ELOVL7: variants seen among roughly 807,000 people sequenced by gnomAD.
ELOVL7 encodes very long chain fatty acid elongase 7.
In ELOVL7, 27 loss-of-function variants were observed where a neutral mutation model predicts 35.7. The observed-to-expected ratio is 0.76, with a 90% CI of 0.56 to 1.04. The LOEUF is 1.04. Among genes scored for constraint, ELOVL7 ranks in the 50% least tolerant of loss-of-function variants. The pLI is 0.00. For synonymous variants in ELOVL7, 113 were observed against 114.6 expected, an observed-to-expected ratio of 0.99 and a Z score of 0.09; for missense variants, 327 against 340.8, an observed-to-expected ratio of 0.96 and a Z score of 0.32.
chr5:60,814,947 C>T (rs1745437561), intron 1 of ELOVL7, among the ~76,000 whole-genome samples: 1 of 152,200 alleles, frequency 6.6e-6, no homozygotes, highest in Admixed American at 6.5e-5. Flanking sequence ...AAATCCCTAT[C>T]CCATGAAAAA....
chr5:60,817,062 T>C (rs1745555269), intron 1 of ELOVL7, among the ~76,000 whole-genome samples: 1 of 152,016 alleles, frequency 6.6e-6, no homozygotes, highest in East Asian at 1.9e-4. Context: ...TTTCCAACAA[T>C]GACACAAAAC....
chr5:60,780,442 C>T, intron 3 of ELOVL7, among the ~76,000 whole-genome samples: 1 of 152,072 alleles, frequency 6.6e-6, no homozygotes, highest in South Asian at 2.1e-4. Flanking sequence ...ATTTTCCTGT[C>T]TTCTTCTCAC....
At chr5:60,826,659 C>T (rs1579928631) in intron 1 of ELOVL7, among the ~76,000 whole-genome samples, 1 of 152,338 alleles carries the variant, frequency 6.6e-6, no homozygotes, top group East Asian at 1.9e-4. Context: ...TCTACAAAAT[C>T]TCACTCATTC....
Position 60,804,698 on chromosome 5 carries a change from T to C in ELOVL7, c.-85-5468A>G, listed in dbSNP as rs544411150. On this transcript the variant is annotated intron_variant, in intron 1 of 8. Transcript: ENST00000508821. ...ATAGAACAAGTGCTTAAGAAATATC[T>C]GCTGAATGAATTTAAAGATGTTGTA... 5.9e-5 allele frequency among the ~76,000 whole-genome samples: 9 copies of C among 152,312 alleles called. No homozygotes were observed. In the South Asian group the frequency reaches 1.9e-3, roughly 32 times the overall value.
intron 8 of ELOVL7, 133 bp from the exon 9 acceptor site, chr5:60,754,966 C>T: frequency 1.4e-6 from 1 of 720,908 alleles, no homozygotes; most frequent in Non-Finnish European, 2.3e-6. Flanking sequence ...TAAATCTAGC[C>T]TCCCTGAGAG....
intron 1 of ELOVL7, among the ~76,000 whole-genome samples, chr5:60,830,124 A>T (rs948122396): frequency 1.3e-5 from 2 of 152,160 alleles, no homozygotes; most frequent in Non-Finnish European, 2.9e-5. Context: ...CTCAAACAGT[A>T]TCAGAAACTG....
At chr5:60,785,208 C>A (rs574809975) in intron 3 of ELOVL7, among the ~76,000 whole-genome samples, 1 of 152,178 alleles carries the variant, frequency 6.6e-6, no homozygotes, top group African/African-American at 2.4e-5. Context: ...CTTGCCTTCT[C>A]CCTGCCTCTC....
In ELOVL7 at chr5:60,817,558, T is replaced by C. The variant is rs577550061; in HGVS notation, c.-85-18328A>G. On this transcript the variant is annotated intron_variant, in intron 1 of 8. Transcript: ENST00000508821. Reference sequence around the variant, plus strand: ...TATCAACTATAAAACAAATGGTGTGTGTGTGTATATATATGTGTATATATA... The same window carrying C: ...TATCAACTATAAAACAAATGGTGTGCGTGTGTATATATATGTGTATATATA... 5.7e-4 allele frequency among the ~76,000 whole-genome samples: 85 copies of C among 148,834 alleles called. 1 individual carries two copies. The highest frequency in any genetic ancestry group is 2.0e-3 in the African/African-American group (81 of 40,866).
rs1342219508 is a variant in ELOVL7 at position 60,767,761 on chromosome 5, A to C, written c.336+62T>G. 5.5e-6 allele frequency: 7 copies of C among 1,283,782 alleles called. No individual in the cohort carries two copies. The Admixed American group carries it at 1.2e-4, about 22-fold the overall frequency. The allele number at this position is 1,283,782 out of a possible 1,614,324, so 79.5% of individuals were successfully genotyped here. ...ATTCTAAGTTTACGTTCAGTGTTAC[A>C]AACAGTTCACAAAATTTTAACATTG... On this transcript the variant is annotated intron_variant, in intron 5 of 8. Coordinates refer to ENST00000508821, the MANE Select transcript of ELOVL7 (RefSeq NM_024930.3).
At chr5:60,774,197 A>G (rs1028800529) in intron 3 of ELOVL7, among the ~76,000 whole-genome samples, 1 of 152,184 alleles carries the variant, frequency 6.6e-6, no homozygotes, top group Admixed American at 6.5e-5. Context: ...CAACAATGAC[A>G]AAAAAGAAAA....
intron 1 of ELOVL7, among the ~76,000 whole-genome samples, chr5:60,821,907 G>C (rs1010405055): frequency 6.6e-6 from 1 of 152,208 alleles, no homozygotes; most frequent in Non-Finnish European, 1.5e-5. Flanking sequence ...ATGTGCAATA[G>C]GACCATTTAC....
chr5:60,767,805 T>C lies in ELOVL7; in HGVS notation c.336+18A>G. 2 of 1,599,284 alleles carry C rather than the reference T, an allele frequency of 1.3e-6. No individual in the cohort carries two copies. The highest frequency in any genetic ancestry group is 8.6e-7 in the Non-Finnish European group (1 of 1,166,834). On this transcript the variant is annotated intron_variant, in intron 5 of 8. Transcript: ENST00000508821. ...AACATTGATTTTGAATTTCAAGTTT[T>C]TCCAAAGAGAAACTTACCCTCAAAG...
chr5:60,819,050 G>GCA (rs1745716507), intron 1 of ELOVL7, among the ~76,000 whole-genome samples: 1 of 166 alleles, frequency 6.0e-3, no homozygotes, highest in Non-Finnish European at 0.014. Context: ...GGAGGGGAGG[G>GCA]GAGGGGAGGG....
At chr5:60,785,881 A>T (rs1000553505) in intron 3 of ELOVL7, 3 of 152,210 alleles carry the variant, frequency 2.0e-5, no homozygotes, top group African/African-American at 7.2e-5. Flanking sequence ...AGTGAGATAA[A>T]TTTGGTCTTT....
intron 1 of ELOVL7, among the ~76,000 whole-genome samples, chr5:60,807,424 A>G (rs551399727): frequency 6.6e-6 from 1 of 152,274 alleles, no homozygotes; most frequent in Admixed American, 6.5e-5. Context: ...TCAGTGAGAA[A>G]AAACAAACTG....
At chr5:60,796,751 C>A (rs914132542) in intron 2 of ELOVL7, among the ~76,000 whole-genome samples, 1 of 152,138 alleles carries the variant, frequency 6.6e-6, no homozygotes, top group Admixed American at 6.5e-5. Context: ...GAGGAAAAAT[C>A]TTTGCCTACT....
intron 1 of ELOVL7, among the ~76,000 whole-genome samples, chr5:60,811,126 CT>C (rs1162803706): frequency 6.6e-6 from 1 of 152,012 alleles, no homozygotes; most frequent in African/African-American, 2.4e-5. Context: ...AGATTTGATT[CT>C]CAAAAACTTG....
rs1377082438 is a variant in ELOVL7 at position 60,752,567 on chromosome 5, T to G, written c.*2057A>C. On this transcript the variant is annotated 3_prime_UTR_variant, in exon 9 of 9. Coordinates refer to ENST00000508821, the MANE Select transcript of ELOVL7 (RefSeq NM_024930.3). ...TGAAGAGCCAAACCTGGAAAACAGTTAAGGAGTCCTGAGACCTTTCCAGTG... is the reference window on the plus strand; with the variant it reads ...TGAAGAGCCAAACCTGGAAAACAGTGAAGGAGTCCTGAGACCTTTCCAGTG... 6.6e-6 allele frequency: 1 copy of G among 152,612 alleles called. No individual in the cohort carries two copies. Among genetic ancestry groups the G allele is most frequent in the Non-Finnish European group, 1.5e-5 (1 of 68,028 alleles). The allele number at this position is 152,612 out of a possible 1,614,324, so 9.5% of individuals were successfully genotyped here.
intron 1 of ELOVL7, among the ~76,000 whole-genome samples, chr5:60,834,667 G>A (rs1056092815): frequency 1.3e-5 from 2 of 151,938 alleles, no homozygotes; most frequent in Non-Finnish European, 2.9e-5. Context: ...AGAAGTATGA[G>A]TTGATTATAT....
Sources: allele counts gnomAD v4.1 joint callset (sites outside exome capture counted in the v4.1 genomes callset), GRCh38; gene constraint gnomAD v4.1.1; transcripts MANE v1.5; gene names NCBI Gene and HGNC (gene_info 2026-07-23, HGNC 2026-07-21).